Variants in QKI observed in about 807,000 individuals in gnomAD.
QKI encodes the protein KH domain-containing RNA-binding protein QKI.
A neutral mutation model predicts 39.0 loss-of-function variants in QKI; 10 were observed. The observed-to-expected ratio is 0.26, with a 90% CI of 0.16 to 0.43. QKI has a LOEUF of 0.43. QKI is among the 20% of genes least tolerant of loss of function. QKI has a pLI of 1.00. For synonymous variants in QKI, 204 were observed against 155.4 expected (o/e 1.31, Z -2.33); for missense variants, 218 against 428.0 (o/e 0.51, Z 4.33).
intron 4 of QKI, among the ~76,000 whole-genome samples, chr6:163,536,798 T>C (rs1781237541): frequency 6.6e-6 from 1 of 152,218 alleles, no homozygotes; most frequent in Admixed American, 6.5e-5. Flanking sequence ...TCAAATGATT[T>C]GGGTTTTTAC....
intron 4 of QKI, among the ~76,000 whole-genome samples, chr6:163,539,701 A>C (rs1459378604): frequency 6.6e-6 from 1 of 152,244 alleles, no homozygotes; most frequent in African/African-American, 2.4e-5. Context: ...AAGTAGAATT[A>C]CTAGGTTAAA....
intron 2 of QKI, among the ~76,000 whole-genome samples, chr6:163,457,739 A>C (rs768437638): frequency 6.6e-5 from 10 of 151,704 alleles, no homozygotes; most frequent in Non-Finnish European, 1.2e-4. Flanking sequence ...GGCCTGAAAC[A>C]GTAAGTGGTG....
intron 1 of QKI, among the ~76,000 whole-genome samples, chr6:163,442,074 T>A (rs1195214848): frequency 6.6e-6 from 1 of 152,186 alleles, no homozygotes; most frequent in Non-Finnish European, 1.5e-5. Flanking sequence ...TACATACGAA[T>A]GTACAGTGGA....
intron 6 of QKI, chr6:163,564,127 C>G (rs755782642): frequency 1.1e-4 from 118 of 1,034,496 alleles, no homozygotes; most frequent in Non-Finnish European, 1.3e-4. Flanking sequence ...TTTTAAACTT[C>G]TAAGTGAAAG....
chr6:163,479,192 G>A (rs1265708039), intron 3 of QKI, among the ~76,000 whole-genome samples: 1 of 151,632 alleles, frequency 6.6e-6, no homozygotes, highest in Admixed American at 6.6e-5. Flanking sequence ...AGGAGGCTGA[G>A]GCAGGAGAAT....
intron 4 of QKI, among the ~76,000 whole-genome samples, chr6:163,536,687 A>G (rs1781231554): frequency 8.5e-6 from 1 of 117,970 alleles, no homozygotes; most frequent in South Asian, 2.9e-4. Flanking sequence ...GCAATAACAT[A>G]GTAAATTGAA....
chr6:163,533,887 A>T (rs1015655494), intron 3 of QKI, among the ~76,000 whole-genome samples: 3 of 152,190 alleles, frequency 2.0e-5, no homozygotes, highest in African/African-American at 7.2e-5. Context: ...ATTTATTTTT[A>T]GCCTTATTGG....
At chr6:163,459,596 G>T (rs968009875) in intron 2 of QKI, among the ~76,000 whole-genome samples, 5 of 152,150 alleles carry the variant, frequency 3.3e-5, no homozygotes, top group African/African-American at 1.2e-4. Context: ...GATCACATTG[G>T]CTTTGAGCAT....
chr6:163,440,157 T>A (rs1042453727), intron 1 of QKI, among the ~76,000 whole-genome samples: 5 of 152,358 alleles, frequency 3.3e-5, no homozygotes, highest in Middle Eastern at 3.4e-3. Flanking sequence ...TTCTTCTCTA[T>A]CTAGCTCTTA....
rs57268191 is a variant in QKI at position 163,526,449 on chromosome 6, T to C, written c.403-8533T>C. Among the ~76,000 whole-genome samples, 528 of 152,324 alleles carry C rather than the reference T, an allele frequency of 3.5e-3. 3 individuals carry two copies. The highest frequency in any genetic ancestry group is 0.012 in the African/African-American group (479 of 41,566). ...CATATGAATTAGTGAAAGGATTCTT[T>C]TAATGCTGTGAGGAAATATTTTGTG... On this transcript the variant is annotated intron_variant, in intron 3 of 7. Coordinates refer to ENST00000361752, the MANE Select transcript of QKI (RefSeq NM_006775.3).
intron 7 of QKI, chr6:163,568,434 T>TA (rs1164539036): frequency 2.0e-6 from 2 of 985,286 alleles, no homozygotes; most frequent in Non-Finnish European, 1.2e-6. Context: ...CTTTTGTAGT[T>TA]ACGTGTTTTG....
intron 4 of QKI, among the ~76,000 whole-genome samples, chr6:163,545,050 T>C (rs1781782982): frequency 6.6e-6 from 1 of 152,078 alleles, no homozygotes; most frequent in Non-Finnish European, 1.5e-5. Context: ...CAAAGACCCA[T>C]GTAGTCCTTA....
intron 2 of QKI, among the ~76,000 whole-genome samples, chr6:163,470,539 A>G (rs561628935): frequency 6.6e-6 from 1 of 152,168 alleles, no homozygotes; most frequent in Non-Finnish European, 1.5e-5. Context: ...ACTAGAAAAT[A>G]AGCACACAAG....
At chr6:163,513,654 A>G (rs1184097410) in intron 3 of QKI, among the ~76,000 whole-genome samples, 1 of 152,178 alleles carries the variant, frequency 6.6e-6, no homozygotes, top group East Asian at 1.9e-4. Context: ...CAGCATTTTT[A>G]AAAGAGTGAC....
At chr6:163,417,103 T>C (rs1301387964) in intron 1 of QKI, among the ~76,000 whole-genome samples, 1 of 152,212 alleles carries the variant, frequency 6.6e-6, no homozygotes, top group Non-Finnish European at 1.5e-5. Flanking sequence ...ATAATGTGTT[T>C]ATATAGTGTT....
intron 3 of QKI, among the ~76,000 whole-genome samples, chr6:163,509,419 AT>A (rs530946004): frequency 6.0e-5 from 9 of 150,890 alleles, no homozygotes; most frequent in African/African-American, 1.2e-4. Flanking sequence ...GAAAATAACC[AT>A]TTTTTTTGCT....
intron 4 of QKI, among the ~76,000 whole-genome samples, chr6:163,561,590 A>T (rs1407048815): frequency 2.0e-4 from 31 of 152,216 alleles, no homozygotes. Context: ...CCTGGGTAAC[A>T]GAGCAAGACC....
chr6:163,480,889 A>C (rs540677337), intron 3 of QKI, among the ~76,000 whole-genome samples: 2 of 152,344 alleles, frequency 1.3e-5, no homozygotes, highest in Non-Finnish European at 2.9e-5. Context: ...CTATTCTGTC[A>C]GCCAGTTAAC....
intron 4 of QKI, among the ~76,000 whole-genome samples, chr6:163,546,142 A>G (rs1054618999): frequency 6.6e-6 from 1 of 150,948 alleles, no homozygotes; most frequent in Non-Finnish European, 1.5e-5. Context: ...TAAATGTATG[A>G]TATTCTACAC....
Sources: allele counts gnomAD v4.1 joint callset (sites outside exome capture counted in the v4.1 genomes callset), GRCh38; gene constraint gnomAD v4.1.1; transcripts MANE v1.5; gene names NCBI Gene and HGNC (gene_info 2026-07-23, HGNC 2026-07-21).